Variants in OLAH observed in about 807,000 individuals in gnomAD.
OLAH encodes oleoyl-ACP hydrolase.
A neutral mutation model predicts 27.8 loss-of-function variants in OLAH; 33 were observed. The ratio of observed to expected loss-of-function variants is 1.19; its 90% CI spans 0.90 to 1.59. The LOEUF (loss-of-function observed/expected upper bound fraction) is 1.59. Among genes scored for constraint, OLAH ranks in the 40% most tolerant of loss-of-function variants. OLAH has a pLI of 0.00. For synonymous variants in OLAH, 120 were observed against 102.9 expected, an observed-to-expected ratio of 1.17 and a Z score of -1.01; for missense variants, 359 against 310.8, an observed-to-expected ratio of 1.16 and a Z score of -1.17.
chr10:15,050,763 A>G (rs897245176), intron 3 of OLAH, among the ~76,000 whole-genome samples: 1 of 151,708 alleles, frequency 6.6e-6, no homozygotes, highest in Admixed American at 6.6e-5. Context: ...GGATGGTCTC[A>G]ATCTCCTGAC....
At chr10:15,055,885 T>C (rs1417086048) in intron 3 of OLAH, among the ~76,000 whole-genome samples, 3 of 151,566 alleles carry the variant, frequency 2.0e-5, no homozygotes, top group African/African-American at 4.9e-5. Flanking sequence ...AGTCTCACTC[T>C]GTCCCTCAGG....
In OLAH at chr10:15,061,762, G is replaced by C; in HGVS notation, c.202G>C (p.Glu68Gln). 2 of 1,613,620 alleles carry C rather than the reference G, an allele frequency of 1.2e-6. No homozygotes were observed. The highest frequency in any genetic ancestry group is 1.7e-6 in the Non-Finnish European group (2 of 1,179,800). ...LRLPGRESRV[E>Q]EPLENDISQL... ...GCTTCCTGGAAGAGAAAGCAGAGTT[G>C]AAGAACCTCTTGAAAATGACATCTC... Residue 68 changes from glutamate to glutamine, a missense_variant, in exon 4 of 8, where the codon GAA (glutamate) becomes CAA (glutamine). Coordinates refer to ENST00000378228, the MANE Select transcript of OLAH (RefSeq NM_001039702.3).
At chr10:15,064,720 C>T (rs556172067) in intron 5 of OLAH, among the ~76,000 whole-genome samples, 5 of 152,304 alleles carry the variant, frequency 3.3e-5, no homozygotes, top group South Asian at 2.1e-4. Flanking sequence ...TGCAGTGGCA[C>T]GATCTTGTCT....
At chr10:15,063,267 G>T (rs1844404312) in intron 4 of OLAH, among the ~76,000 whole-genome samples, 1 of 152,064 alleles carries the variant, frequency 6.6e-6, no homozygotes, top group Non-Finnish European at 1.5e-5. Flanking sequence ...GCTGACTACA[G>T]GAGCATGCCA....
At chr10:15,035,264 T>C (rs1385655932) in intron 1 of OLAH, among the ~76,000 whole-genome samples, 1 of 152,234 alleles carries the variant, frequency 6.6e-6, no homozygotes, top group Non-Finnish European at 1.5e-5. Context: ...ATCCCGAGGC[T>C]GGTGCCAAAC....
intron 1 of OLAH, 104 bp from the exon 2 acceptor site, chr10:15,047,022 T>C: frequency 2.6e-6 from 1 of 383,318 alleles, no homozygotes; most frequent in Non-Finnish European, 4.8e-6. Flanking sequence ...TCAGTTGTGT[T>C]GGTTCTAACC....
chr10:15,064,088 T>G (rs1042974606), intron 4 of OLAH, among the ~76,000 whole-genome samples: 1 of 152,216 alleles, frequency 6.6e-6, no homozygotes, highest in Non-Finnish European at 1.5e-5. Context: ...TAAACCGTAT[T>G]TTGAGAACTG....
chr10:15,036,454 G>A (rs1275030352), intron 1 of OLAH, among the ~76,000 whole-genome samples: 2 of 151,970 alleles, frequency 1.3e-5, no homozygotes, highest in Admixed American at 6.6e-5. Flanking sequence ...CTGAGATTGC[G>A]CCATTGCACT....
rs569568339 is a variant in OLAH at position 15,071,704 on chromosome 10, C to A, written c.573-91C>A. ...AGAGTAGCCAAAGAAAAGAAGTGAA[C>A]CCACCCCAAGTTTCATTGACATTAG... On this transcript the variant is annotated intron_variant, in intron 6 of 7. Coordinates refer to ENST00000378228, the MANE Select transcript of OLAH (RefSeq NM_001039702.3). 4.1e-6 allele frequency: 6 copies of A among 1,457,970 alleles called. No individual in the cohort carries two copies. The East Asian group carries it at 1.2e-4, about 28-fold the overall frequency. The allele number at this position is 1,457,970 out of a possible 1,614,324, so 90.3% of individuals were successfully genotyped here. A position where few individuals can be genotyped will look rare whatever the true frequency, so the allele number is the denominator to read the frequency against.
At chr10:15,067,308 CTG>C (rs1844488076) in intron 6 of OLAH, among the ~76,000 whole-genome samples, 1 of 152,180 alleles carries the variant, frequency 6.6e-6, no homozygotes, top group Non-Finnish European at 1.5e-5. Flanking sequence ...GACTGAAACC[CTG>C]TGTCTTACTC....
chr10:15,036,542 G>A (rs537177624), intron 1 of OLAH, among the ~76,000 whole-genome samples: 1 of 152,108 alleles, frequency 6.6e-6, no homozygotes, highest in Non-Finnish European at 1.5e-5. Flanking sequence ...ATGCTGGAGT[G>A]CAGTGCCACA....
chr10:15,065,603 T>C lies in OLAH; in HGVS notation c.422T>C (p.Ile141Thr). 6.2e-7 allele frequency: 1 copy of C among 1,611,240 alleles called. No homozygotes were observed. The highest frequency in any genetic ancestry group is 2.2e-5 in the East Asian group (1 of 44,858). The change falls in exon 6 of 8, where the codon ATT becomes ACT. Residue 141 changes from isoleucine (I) to threonine (T), a missense_variant. Coordinates refer to ENST00000378228, the MANE Select transcript of OLAH (RefSeq NM_001039702.3). ...TTCAAGTCAAAGGCCTGGCATCGCA[T>C]TCCCAAAGATGATGAATTGTCAGAA... ...TPVHSKAWHRIPKDDELSEEQ... is the reference protein window; with the variant it reads ...TPVHSKAWHRTPKDDELSEEQ...
rs773978876 is a variant in OLAH at position 15,047,344 on chromosome 10, G to C, written c.32+24G>C. 3.0e-5 allele frequency: 48 copies of C among 1,612,148 alleles called. 1 individual carries two copies. In the South Asian group the frequency reaches 4.6e-4, roughly 16 times the overall value. On this transcript the variant is annotated intron_variant, in intron 2 of 7. Transcript: ENST00000378228. ...AGGCAGGCCACCCCTTGTGCCACCA[G>C]GCTCTTCCTCCATCCCAGGGGCTCC...
intron 6 of OLAH, 65 bp from the exon 7 acceptor site, chr10:15,071,730 G>T: frequency 6.7e-7 from 1 of 1,500,056 alleles, no homozygotes; most frequent in South Asian, 1.2e-5. Context: ...TTGACATTAG[G>T]AACAGGAAAA....
intron 1 of OLAH, among the ~76,000 whole-genome samples, chr10:15,033,644 T>A (rs1345174072): frequency 6.6e-6 from 1 of 152,090 alleles, no homozygotes; most frequent in Non-Finnish European, 1.5e-5. Context: ...GGCTGGGAAG[T>A]CCAGTATGAA....
chr10:15,048,014 A>G (rs752245557), intron 2 of OLAH, among the ~76,000 whole-genome samples: 1 of 152,222 alleles, frequency 6.6e-6, no homozygotes, highest in Admixed American at 6.5e-5. Context: ...TCATTATACT[A>G]GGGTTTAGAA....
intron 1 of OLAH, among the ~76,000 whole-genome samples, chr10:15,045,637 C>G (rs17354933): frequency 0.037 from 5,622 of 152,218 alleles, 142 homozygotes; most frequent in African/African-American, 0.068. Flanking sequence ...TAAAAATGCC[C>G]TCCACTGCAT....
chr10:15,035,742 G>A (rs1843831808), intron 1 of OLAH, among the ~76,000 whole-genome samples: 1 of 152,148 alleles, frequency 6.6e-6, no homozygotes, highest in East Asian at 1.9e-4. Flanking sequence ...GACGCCATGG[G>A]GAAGCACAGA....
intron 3 of OLAH, among the ~76,000 whole-genome samples, chr10:15,052,200 T>C (rs1163903161): frequency 6.6e-6 from 1 of 152,112 alleles, no homozygotes; most frequent in Non-Finnish European, 1.5e-5. Flanking sequence ...GAAGAACCGC[T>C]TGAACCTGGG....
Sources: gnomAD v4.1 joint callset for allele counts (sites outside exome capture counted in the v4.1 genomes callset) on GRCh38, gnomAD v4.1.1 for gene constraint, MANE v1.5 for transcripts, NCBI Gene and HGNC (gene_info 2026-07-23, HGNC 2026-07-21) for gene names.